The following SWAP70 variants were observed in gnomAD, a reference collection of about 807,000 sequenced individuals.
SWAP70 encodes the protein switch-associated protein 70.
SWAP70 carries 34 observed loss-of-function variants against 80.2 expected under a neutral mutation model. That is an observed-to-expected ratio of 0.42 (90% CI 0.32 to 0.56). SWAP70 has a LOEUF of 0.56. Among genes scored for constraint, SWAP70 ranks in the 20% least tolerant of loss-of-function variants. The pLI, the probability that SWAP70 is intolerant of heterozygous loss-of-function variation, is 0.09. For missense variants in SWAP70, 578 were observed against 690.7 expected, an observed-to-expected ratio of 0.84 and a Z score of 1.83; for synonymous variants, 239 against 238.5, an observed-to-expected ratio of 1.00 and a Z score of -0.02.
chr11:9,711,479 G>C (rs919593581), intron 2 of SWAP70, among the ~76,000 whole-genome samples: 2 of 152,060 alleles, frequency 1.3e-5, no homozygotes, highest in Non-Finnish European at 2.9e-5. Flanking sequence ...TCTTGGTGGG[G>C]AACAGGACCT....
intron 1 of SWAP70, among the ~76,000 whole-genome samples, chr11:9,687,115 T>C (rs778244650): frequency 3.3e-5 from 5 of 152,244 alleles, no homozygotes; most frequent in Non-Finnish European, 7.3e-5. Context: ...GTTTAATCTT[T>C]AGTTACATGA....
chr11:9,724,391 C>T (rs1169705701), intron 3 of SWAP70, among the ~76,000 whole-genome samples: 1 of 152,174 alleles, frequency 6.6e-6, no homozygotes, highest in Non-Finnish European at 1.5e-5. Context: ...CATATATCTG[C>T]AGTTTGTTTT....
At chr11:9,695,775 A>T (rs185389193) in intron 2 of SWAP70, among the ~76,000 whole-genome samples, 64 of 152,148 alleles carry the variant, frequency 4.2e-4, no homozygotes, top group Middle Eastern at 6.8e-3. Context: ...AGAAGAAAAA[A>T]AAATCTGGTT....
chr11:9,681,341 A>G (rs1267499943), intron 1 of SWAP70: 1 of 152,256 alleles, frequency 6.6e-6, no homozygotes, highest in Non-Finnish European at 1.5e-5. Flanking sequence ...GGATTTAAAG[A>G]GAGATGGGGC....
At chr11:9,722,085 A>C (rs1240907233) in intron 3 of SWAP70, among the ~76,000 whole-genome samples, 1 of 152,238 alleles carries the variant, frequency 6.6e-6, no homozygotes, top group African/African-American at 2.4e-5. Context: ...GAATGGTTGA[A>C]TAGTATTTCA....
Position 9,665,187 on chromosome 11 carries a change from T to C in SWAP70, c.99+909T>C, listed in dbSNP as rs535758119. On this transcript the variant is annotated intron_variant, in intron 1 of 11. Coordinates refer to ENST00000318950, the MANE Select transcript of SWAP70 (RefSeq NM_015055.4). ...ATATTTTAGATCCGAATGTCCGGTT[T>C]TCTTAGCCCCTTCTGGGAATAAATT... 3.3e-5 allele frequency among the ~76,000 whole-genome samples: 5 copies of C among 152,340 alleles called. No homozygotes were observed. In the South Asian group the frequency reaches 1.0e-3, roughly 32 times the overall value.
intron 6 of SWAP70, among the ~76,000 whole-genome samples, chr11:9,730,847 G>A (rs1851288932): frequency 6.6e-6 from 1 of 152,108 alleles, no homozygotes; most frequent in Non-Finnish European, 1.5e-5. Context: ...GTGTAATGCC[G>A]AAGTTTGGGG....
chr11:9,714,392 T>G (rs1322944283), intron 3 of SWAP70, among the ~76,000 whole-genome samples: 5 of 152,238 alleles, frequency 3.3e-5, no homozygotes, highest in East Asian at 1.9e-4. Context: ...GGTTGTGAAA[T>G]TCTGCATTTA....
intron 1 of SWAP70, among the ~76,000 whole-genome samples, chr11:9,678,221 G>A (rs1236750024): frequency 1.3e-5 from 2 of 152,124 alleles, no homozygotes; most frequent in African/African-American, 4.8e-5. Context: ...TTTTAAAATG[G>A]GGTTGGGGAT....
At chr11:9,666,286 A>G (rs1300588987) in intron 1 of SWAP70, among the ~76,000 whole-genome samples, 1 of 151,988 alleles carries the variant, frequency 6.6e-6, no homozygotes, top group Admixed American at 6.6e-5. Context: ...GGGTTTCACC[A>G]TGTTGGCCAG....
At chr11:9,725,569 A>ATTTTTTTTTTT (rs746391271) in intron 4 of SWAP70, among the ~76,000 whole-genome samples, 5 of 26,610 alleles carry the variant, frequency 1.9e-4, no homozygotes, top group African/African-American at 7.8e-4. Flanking sequence ...ATATATATAT[A>ATTTTTTTTTTT]TTTTTTTTTT....
chr11:9,750,153 C>T lies in SWAP70; in HGVS notation c.*183C>T, dbSNP rs1307493476. 8.1e-6 allele frequency: 3 copies of T among 372,018 alleles called. No homozygotes were observed. Among genetic ancestry groups the T allele is most frequent in the Non-Finnish European group, 1.5e-5 (3 of 197,300 alleles). The allele number at this position is 372,018 out of a possible 1,614,324, so 23.0% of individuals were successfully genotyped here. On this transcript the variant is annotated 3_prime_UTR_variant, in exon 12 of 12. Transcript: ENST00000318950. ...AGGAGTTCAAGAGCAGCCTGGCCAA[C>T]CTGGTGAAACCCTGTCTCTACTAAA...
intron 1 of SWAP70, among the ~76,000 whole-genome samples, chr11:9,684,824 T>C (rs1003837132): frequency 6.6e-6 from 1 of 152,212 alleles, no homozygotes; most frequent in African/African-American, 2.4e-5. Flanking sequence ...TGGAAATTCT[T>C]AAATGGGACT....
chr11:9,664,186 A>G lies in SWAP70; in HGVS notation c.7A>G (p.Ser3Gly). 6.3e-7 allele frequency: 1 copy of G among 1,578,940 alleles called. No individual in the cohort carries two copies. The highest frequency in any genetic ancestry group is 1.2e-5 in the South Asian group (1 of 85,888). MGSLKEELLKAIW... is the reference protein window; with the variant it reads MGGLKEELLKAIW... ...GGGCAGCAGGGCCGCGGCCATGGGG[A>G]GCTTGAAGGAGGAGCTGCTCAAAGC... The change falls in exon 1 of 12, where the codon AGC becomes GGC. Residue 3 changes from serine to glycine, a missense_variant. Ser to Gly is a moderately conservative substitution (Grantham distance 56). Transcript: ENST00000318950.
At chr11:9,709,749 A>G (rs577438180) in intron 2 of SWAP70, among the ~76,000 whole-genome samples, 2 of 152,048 alleles carry the variant, frequency 1.3e-5, no homozygotes, top group Non-Finnish European at 1.5e-5. Flanking sequence ...TTGGCCTCCT[A>G]AAGTGCTGGA....
At chr11:9,725,366 A>T (rs191848344) in intron 4 of SWAP70, among the ~76,000 whole-genome samples, 131 of 150,410 alleles carry the variant, frequency 8.7e-4, no homozygotes, top group African/African-American at 2.9e-3. Flanking sequence ...TTTAAAGTAC[A>T]GTTAAGAATA....
At chr11:9,664,325 C>A in intron 1 of SWAP70, 47 bp downstream of exon 1, 2 of 1,532,882 alleles carry the variant, frequency 1.3e-6, no homozygotes, top group South Asian at 1.2e-5. Context: ...CCCCGGCGCG[C>A]TCTGTACTTC....
intron 1 of SWAP70, among the ~76,000 whole-genome samples, chr11:9,690,458 A>T (rs934615298): frequency 1.3e-5 from 2 of 152,062 alleles, no homozygotes; most frequent in African/African-American, 4.8e-5. Context: ...GGTGCCTGTA[A>T]TTCCGCTACT....
intron 1 of SWAP70, among the ~76,000 whole-genome samples, chr11:9,666,243 A>G (rs1430265327): frequency 6.6e-6 from 1 of 151,462 alleles, no homozygotes; most frequent in Non-Finnish European, 1.5e-5. Context: ...GCGTCACCAC[A>G]CCTAGCTAAT....
Sources: gnomAD v4.1 joint callset for allele counts (sites outside exome capture counted in the v4.1 genomes callset) on GRCh38, gnomAD v4.1.1 for gene constraint, MANE v1.5 for transcripts, NCBI Gene and HGNC (gene_info 2026-07-23, HGNC 2026-07-21) for gene names.